Variants in ZMIZ1 observed in about 807,000 individuals in gnomAD.
ZMIZ1 encodes zinc finger MIZ domain-containing protein 1.
Under a neutral mutation model 113.9 loss-of-function variants are expected in ZMIZ1, and 17 were observed. The ratio of observed to expected loss-of-function variants is 0.15; its 90% CI spans 0.10 to 0.22. The LOEUF is 0.22. Among genes scored for constraint, ZMIZ1 ranks in the 10% least tolerant of loss-of-function variants. ZMIZ1 has a pLI of 1.00. For synonymous variants in ZMIZ1, 607 were observed against 603.1 expected (o/e 1.01, Z -0.09); for missense variants, 1,059 against 1,477.8 (o/e 0.72, Z 4.65).
intron 1 of ZMIZ1, among the ~76,000 whole-genome samples, chr10:79,079,638 C>T (rs1842594012): frequency 6.7e-6 from 1 of 148,476 alleles, no homozygotes; most frequent in Non-Finnish European, 1.5e-5. Flanking sequence ...GGCACTGGGG[C>T]CGGGGGGGTC....
At chr10:79,166,813 C>T (rs1360106240) in intron 4 of ZMIZ1, among the ~76,000 whole-genome samples, 4 of 152,242 alleles carry the variant, frequency 2.6e-5, no homozygotes, top group African/African-American at 9.6e-5. Context: ...GCAGAGGCCC[C>T]ACCACTCACC....
At position 79,151,473 on chromosome 10, in the gene ZMIZ1, A is replaced by C. The variant is rs188082456; in HGVS notation, c.-130-10580A>C. Among the ~76,000 whole-genome samples, 813 of 152,338 alleles carry C rather than the reference A, an allele frequency of 5.3e-3. 15 individuals carry two copies. The highest frequency in any genetic ancestry group is 2.2e-3 in the Non-Finnish European group (147 of 68,026). On this transcript the variant is annotated intron_variant, in intron 3 of 24. Transcript: ENST00000334512. ...TGAGTTCATGGGGAGAGGAACCGGC[A>C]GCAGAGAAGCCTGGCACACTCATCC...
intron 2 of ZMIZ1, among the ~76,000 whole-genome samples, chr10:79,138,805 A>C (rs1845132792): frequency 6.6e-6 from 1 of 152,218 alleles, no homozygotes; most frequent in South Asian, 2.1e-4. Context: ...TTTATTAAAG[A>C]GTATCAGAAA....
intron 4 of ZMIZ1, among the ~76,000 whole-genome samples, chr10:79,165,881 C>T (rs1846305376): frequency 7.1e-6 from 1 of 139,904 alleles, no homozygotes; most frequent in Non-Finnish European, 1.6e-5. Flanking sequence ...CTGTGAGCAG[C>T]CAAGCCTGAC....
chr10:79,238,625 T>C (rs1271637498), intron 7 of ZMIZ1, among the ~76,000 whole-genome samples: 2 of 152,254 alleles, frequency 1.3e-5, no homozygotes, highest in Non-Finnish European at 2.9e-5. Flanking sequence ...ATCACAGCTC[T>C]AATTGACTGT....
intron 8 of ZMIZ1, among the ~76,000 whole-genome samples, chr10:79,287,628 CAG>C (rs1853170335): frequency 6.6e-6 from 1 of 152,246 alleles, no homozygotes; most frequent in African/African-American, 2.4e-5. Context: ...AAAACCAAGA[CAG>C]AAGCTCAAGG....
intron 7 of ZMIZ1, among the ~76,000 whole-genome samples, chr10:79,224,801 G>A (rs1240761228): frequency 3.3e-5 from 5 of 152,258 alleles, no homozygotes; most frequent in East Asian, 1.9e-4. Flanking sequence ...CAGAGCCTGC[G>A]GTGAGGATTC....
intron 8 of ZMIZ1, among the ~76,000 whole-genome samples, chr10:79,278,099 A>G (rs989240626): frequency 6.6e-6 from 1 of 152,252 alleles, no homozygotes; most frequent in South Asian, 2.1e-4. Flanking sequence ...GGGTCGCACC[A>G]TCGAGGTGCT....
chr10:79,269,146 G>A (rs934318785), intron 7 of ZMIZ1, among the ~76,000 whole-genome samples: 6 of 152,134 alleles, frequency 3.9e-5, no homozygotes, highest in African/African-American at 1.4e-4. Context: ...GCAAGCCCCT[G>A]CAGCTCCCAT....
intron 8 of ZMIZ1, among the ~76,000 whole-genome samples, chr10:79,282,792 C>G (rs1852823294): frequency 6.6e-6 from 1 of 152,236 alleles, no homozygotes; most frequent in Admixed American, 6.5e-5. Context: ...TTGTGGACGT[C>G]TGTAGGCTCA....
intron 8 of ZMIZ1, among the ~76,000 whole-genome samples, chr10:79,286,856 C>A (rs750715590): frequency 6.6e-6 from 1 of 152,240 alleles, no homozygotes; most frequent in Non-Finnish European, 1.5e-5. Flanking sequence ...AGGGCCCTGC[C>A]GGCCCCTGGG....
At chr10:79,304,222 G>A (rs1235161681) in intron 19 of ZMIZ1, 47 bp downstream of exon 19, 1 of 1,586,784 alleles carries the variant, frequency 6.3e-7, no homozygotes. Context: ...CCTAGACTCT[G>A]GCTGGGATGG....
rs778945592 is a variant in ZMIZ1 at position 79,262,472 on chromosome 10, C to A, written c.281-14709C>A. Among the ~76,000 whole-genome samples the A allele has an allele frequency of 1.1e-3, 169 of 152,370 alleles. 2 individuals are homozygous for A. Among genetic ancestry groups the A allele is most frequent in the Middle Eastern group, 3.4e-3 (1 of 294 alleles). ...CAGACATCACCCCAAGTGTGTTACA[C>A]TGAGTAACAGGTGCAGCCAGGAAGC... On this transcript the variant is annotated intron_variant, in intron 7 of 24. Transcript: ENST00000334512.
chr10:79,244,537 T>G (rs1426632815), intron 7 of ZMIZ1, among the ~76,000 whole-genome samples: 1 of 152,164 alleles, frequency 6.6e-6, no homozygotes, highest in Non-Finnish European at 1.5e-5. Flanking sequence ...AGCTGGCACT[T>G]CTTTAGACGG....
At chr10:79,266,989 G>A (rs1298907008) in intron 7 of ZMIZ1, among the ~76,000 whole-genome samples, 1 of 152,252 alleles carries the variant, frequency 6.6e-6, no homozygotes, top group East Asian at 1.9e-4. Context: ...GGGCTGAGGA[G>A]GGGCTTGGGC....
intron 5 of ZMIZ1, among the ~76,000 whole-genome samples, chr10:79,207,947 C>A (rs1479021337): frequency 6.6e-6 from 1 of 151,862 alleles, no homozygotes; most frequent in Non-Finnish European, 1.5e-5. Flanking sequence ...TCCGCCACCC[C>A]CACCAGCATC....
chr10:79,180,953 A>C (rs1381957398), intron 4 of ZMIZ1, among the ~76,000 whole-genome samples: 2 of 152,110 alleles, frequency 1.3e-5, no homozygotes, highest in African/African-American at 2.4e-5. Flanking sequence ...TGCCTCCCCA[A>C]ATCCAGCCTC....
chr10:79,196,763 C>G (rs1450158980), intron 4 of ZMIZ1, among the ~76,000 whole-genome samples: 1 of 152,224 alleles, frequency 6.6e-6, no homozygotes, highest in Non-Finnish European at 1.5e-5. Context: ...TTTATCAAGG[C>G]CCACCGGGCT....
chr10:79,101,559 G>A (rs991712607), intron 1 of ZMIZ1, among the ~76,000 whole-genome samples: 5 of 152,176 alleles, frequency 3.3e-5, no homozygotes, highest in African/African-American at 1.2e-4. Context: ...GATGTCTGGT[G>A]GCCTTGGTGT....
Sources: gnomAD v4.1 joint callset for allele counts (sites outside exome capture counted in the v4.1 genomes callset) on GRCh38, gnomAD v4.1.1 for gene constraint, MANE v1.5 for transcripts, NCBI Gene and HGNC (gene_info 2026-07-23, HGNC 2026-07-21) for gene names.